GIT2: variants seen among roughly 807,000 people sequenced by gnomAD.
GIT2 encodes ARF GTPase-activating protein GIT2.
A neutral mutation model predicts 100.3 loss-of-function variants in GIT2; 32 were observed. The ratio of observed to expected loss-of-function variants is 0.32; its 90% CI spans 0.24 to 0.43. The LOEUF (loss-of-function observed/expected upper bound fraction) is 0.43, where lower values mean the gene tolerates loss of function less well. Among genes scored for constraint, GIT2 ranks in the 20% least tolerant of loss-of-function variants. The pLI, the probability that GIT2 is intolerant of heterozygous loss-of-function variation, is 1.00. For synonymous variants in GIT2, 353 were observed against 364.1 expected (o/e 0.97, Z 0.35); for missense variants, 737 against 975.1 (o/e 0.76, Z 3.25).
chr12:109,994,797 T>C (rs925809934), intron 1 of GIT2, among the ~76,000 whole-genome samples: 7 of 152,158 alleles, frequency 4.6e-5, no homozygotes, highest in African/African-American at 1.7e-4. Context: ...TAAGTTCAAC[T>C]GAAAATAGGC....
At position 109,996,125 on chromosome 12, in the gene GIT2, T is replaced by C. The variant is rs1176141959; in HGVS notation, c.52+48A>G. On this transcript the variant is annotated intron_variant, in intron 1 of 19. Coordinates refer to ENST00000355312, the MANE Select transcript of GIT2 (RefSeq NM_057169.5). ...TGAGGGGGCGGCCCCGGGGTAGGGGTCCGGGCCAGGAAAGCAGAGGGGAGC... is the reference window on the plus strand; with the variant it reads ...TGAGGGGGCGGCCCCGGGGTAGGGGCCCGGGCCAGGAAAGCAGAGGGGAGC... 6.3e-6 allele frequency: 8 copies of C among 1,269,778 alleles called. No individual in the cohort carries two copies. In the East Asian group the frequency reaches 2.1e-4, roughly 33 times the overall value. The allele number at this position is 1,269,778 out of a possible 1,614,324, so 78.7% of individuals were successfully genotyped here.
intron 9 of GIT2, 30 bp downstream of exon 9, chr12:109,965,496 T>A: frequency 7.2e-7 from 1 of 1,380,492 alleles, no homozygotes; most frequent in Non-Finnish European, 1.0e-6. Flanking sequence ...ATTCTCATAC[T>A]AGAGAAAACC....
intron 4 of GIT2, among the ~76,000 whole-genome samples, chr12:109,984,211 A>C (rs1389877671): frequency 2.0e-5 from 3 of 151,968 alleles, no homozygotes; most frequent in African/African-American, 7.3e-5. Flanking sequence ...GGGGTTTGAG[A>C]CCAGCCTGGG....
At chr12:109,990,267 A>G (rs893889773) in intron 2 of GIT2, among the ~76,000 whole-genome samples, 5 of 152,208 alleles carry the variant, frequency 3.3e-5, no homozygotes, top group Non-Finnish European at 5.9e-5. Flanking sequence ...TATTACCTAC[A>G]TCTGTCTTGA....
At chr12:109,955,299 T>G (rs1879108924) in intron 12 of GIT2, among the ~76,000 whole-genome samples, 1 of 152,058 alleles carries the variant, frequency 6.6e-6, no homozygotes. Flanking sequence ...AATTTTTTTG[T>G]ATTTTTTTAG....
At chr12:109,992,707 TG>T (rs1888652947) in intron 1 of GIT2, among the ~76,000 whole-genome samples, 1 of 152,182 alleles carries the variant, frequency 6.6e-6, no homozygotes, top group Admixed American at 6.5e-5. Flanking sequence ...AGTCTCACTC[TG>T]TCCCCTAGGA....
chr12:109,969,097 T>G (rs528937696), intron 7 of GIT2, among the ~76,000 whole-genome samples: 41 of 152,214 alleles, frequency 2.7e-4, no homozygotes, highest in Non-Finnish European at 4.9e-4. Flanking sequence ...ATACCTGTAT[T>G]TTTCTCCCAG....
intron 9 of GIT2, among the ~76,000 whole-genome samples, chr12:109,963,784 GAGA>G (rs980245052): frequency 1.1e-4 from 16 of 152,318 alleles, no homozygotes; most frequent in African/African-American, 3.4e-4. Flanking sequence ...GGTCACCTAT[GAGA>G]AGGAGACCAC....
In GIT2 at chr12:109,945,305, G is replaced by A; in HGVS notation, c.1686C>T (p.Ser562=). The A allele has an allele frequency of 6.3e-7, 1 of 1,588,984 alleles. No individual in the cohort carries two copies. The highest frequency in any genetic ancestry group is 8.6e-7 in the Non-Finnish European group (1 of 1,157,330). The change falls in exon 16 of 20, where the codon TCC becomes TCT. Residue 562 remains serine (S), a synonymous_variant. Transcript: ENST00000355312. The part of the protein sequence containing the change: ...ALVTSSSSLP[S]FPSTLSWSRD... ...TCGACCAGGAAAGTGTGGAGGGGAA[G>A]GAAGGCAGAGATGAAGAGGAGGTCA...
chr12:109,986,029 TC>T (rs1251002401), intron 4 of GIT2, among the ~76,000 whole-genome samples: 1 of 151,418 alleles, frequency 6.6e-6, no homozygotes, highest in Non-Finnish European at 1.5e-5. Context: ...TGAGACTCTG[TC>T]GTTTAGGCTG....
At chr12:109,975,771 CT>C (rs770898259) in intron 7 of GIT2, among the ~76,000 whole-genome samples, 17,594 of 121,322 alleles carry the variant, frequency 0.15, 1,722 homozygotes, top group African/African-American at 0.32. Flanking sequence ...TCTTTGTAGT[CT>C]TTTTTTTTTT....
intron 4 of GIT2, among the ~76,000 whole-genome samples, chr12:109,984,302 C>G (rs1288712303): frequency 6.6e-6 from 1 of 151,998 alleles, no homozygotes; most frequent in Non-Finnish European, 1.5e-5. Context: ...GTCCCAGCTA[C>G]TAAGGAGGCT....
chr12:109,940,918 A>G (rs1369340321), intron 16 of GIT2, among the ~76,000 whole-genome samples: 8 of 106,472 alleles, frequency 7.5e-5, no homozygotes, highest in African/African-American at 3.0e-4. Flanking sequence ...AACCAAAAAG[A>G]AAAAAAAAAA....
intron 4 of GIT2, among the ~76,000 whole-genome samples, chr12:109,984,338 G>A (rs1030706235): frequency 6.6e-6 from 1 of 152,060 alleles, no homozygotes; most frequent in African/African-American, 2.4e-5. Context: ...CCTGAGCCTG[G>A]GCAGTGGAGG....
intron 3 of GIT2, 51 bp downstream of exon 3, chr12:109,989,639 G>A: frequency 9.8e-7 from 1 of 1,016,824 alleles, no homozygotes; most frequent in Non-Finnish European, 1.6e-6. Context: ...TCCTTTCAGT[G>A]GGCCCCATTT....
At chr12:109,936,904 C>T (rs1334559688) in intron 18 of GIT2, among the ~76,000 whole-genome samples, 1 of 151,706 alleles carries the variant, frequency 6.6e-6, no homozygotes, top group African/African-American at 2.4e-5. Flanking sequence ...TTTGGAAAGC[C>T]ATGGGACACT....
At chr12:109,995,077 T>G (rs146700754) in intron 1 of GIT2, among the ~76,000 whole-genome samples, 1 of 152,324 alleles carries the variant, frequency 6.6e-6, no homozygotes, top group East Asian at 1.9e-4. Flanking sequence ...TGTTCAATGA[T>G]TTAATTAAGA....
At chr12:109,967,246 A>G (rs927927929) in intron 8 of GIT2, 1 of 1,131,678 alleles carries the variant, frequency 8.8e-7, no homozygotes, top group Non-Finnish European at 1.3e-6. Flanking sequence ...ACTGGTTTCA[A>G]TTTTCCTATT....
chr12:109,956,982 C>T (rs1879662853), intron 12 of GIT2, among the ~76,000 whole-genome samples: 1 of 150,892 alleles, frequency 6.6e-6, no homozygotes, highest in South Asian at 2.1e-4. Flanking sequence ...CGCGCCACTG[C>T]ACTCCAGCCT....
Sources: gnomAD v4.1 joint callset for allele counts (sites outside exome capture counted in the v4.1 genomes callset) on GRCh38, gnomAD v4.1.1 for gene constraint, MANE v1.5 for transcripts, NCBI Gene and HGNC (gene_info 2026-07-23, HGNC 2026-07-21) for gene names.